EXOC4: variants seen among roughly 807,000 people sequenced by gnomAD.
The protein encoded by EXOC4 is SEC8-like 1.
EXOC4 carries 71 observed loss-of-function variants against 107.2 expected under a neutral mutation model. That is an observed-to-expected ratio of 0.66 (90% CI 0.55 to 0.81). The LOEUF (loss-of-function observed/expected upper bound fraction) is 0.81, where lower values mean the gene tolerates loss of function less well. Among genes scored for constraint, EXOC4 ranks in the 30% least tolerant of loss-of-function variants. The pLI, the probability that EXOC4 is intolerant of heterozygous loss-of-function variation, is 0.00. For synonymous variants in EXOC4, 456 were observed against 441.2 expected, an observed-to-expected ratio of 1.03 and a Z score of -0.42; for missense variants, 1,108 against 1,189.6, an observed-to-expected ratio of 0.93 and a Z score of 1.01.
At chr7:133,444,529 A>G (rs895100264) in intron 7 of EXOC4, among the ~76,000 whole-genome samples, 10 of 152,170 alleles carry the variant, frequency 6.6e-5, no homozygotes, top group African/African-American at 1.9e-4. Context: ...ACGGTAAACT[A>G]CACACATAGG....
chr7:133,979,960 C>T (rs1434648800), intron 14 of EXOC4, among the ~76,000 whole-genome samples: 7 of 152,118 alleles, frequency 4.6e-5, no homozygotes, highest in African/African-American at 1.4e-4. Flanking sequence ...TACCAATCTA[C>T]CACCTACCTC....
At chr7:133,962,643 T>G (rs1001732653) in intron 14 of EXOC4, among the ~76,000 whole-genome samples, 7 of 152,160 alleles carry the variant, frequency 4.6e-5, no homozygotes, top group African/African-American at 1.7e-4. Context: ...ACAAACAACA[T>G]TTAGCATGCA....
chr7:133,627,243 C>T (rs942277843), intron 9 of EXOC4, among the ~76,000 whole-genome samples: 7 of 152,060 alleles, frequency 4.6e-5, no homozygotes, highest in Non-Finnish European at 7.4e-5. Flanking sequence ...AGAAATGGTA[C>T]GAGGGGAGAG....
chr7:133,754,958 T>C (rs1795867717), intron 10 of EXOC4, among the ~76,000 whole-genome samples: 1 of 151,874 alleles, frequency 6.6e-6, no homozygotes, highest in African/African-American at 2.4e-5. Context: ...TGAATGCGTA[T>C]TGATGATGTT....
intron 9 of EXOC4, among the ~76,000 whole-genome samples, chr7:133,547,860 A>G (rs1213295463): frequency 1.3e-5 from 2 of 152,116 alleles, no homozygotes; most frequent in Admixed American, 1.3e-4. Flanking sequence ...TTTGGAACCA[A>G]CTTCCAAACT....
Position 133,893,219 on chromosome 7 carries a change from G to A in EXOC4, c.1735-2380G>A, listed in dbSNP as rs1408183001. 5.1e-5 allele frequency among the ~76,000 whole-genome samples: 4 copies of A among 77,964 alleles called. 1 individual carries two copies. The South Asian group carries it at 2.3e-3, about 44-fold the overall frequency. The allele number at this position is 77,964 out of a possible 152,430, so 51.1% of individuals were successfully genotyped here. On this transcript the variant is annotated intron_variant, in intron 11 of 17. Coordinates refer to ENST00000253861, the MANE Select transcript of EXOC4 (RefSeq NM_021807.4). ...CTCTTTTGATCTTTGTTGGTTTAAA[G>A]TCTGCTTTATCAGAGACTAGGATTG...
chr7:133,312,354 A>C (rs143517241), intron 4 of EXOC4, among the ~76,000 whole-genome samples: 1 of 152,204 alleles, frequency 6.6e-6, no homozygotes, highest in East Asian at 1.9e-4. Context: ...TACTTTATAT[A>C]TTGGTATAAA....
intron 17 of EXOC4, among the ~76,000 whole-genome samples, chr7:134,014,239 T>A (rs1794841097): frequency 6.6e-6 from 1 of 152,006 alleles, no homozygotes; most frequent in Non-Finnish European, 1.5e-5. Context: ...CTGTCTCTAC[T>A]AAAAATACAA....
intron 10 of EXOC4, among the ~76,000 whole-genome samples, chr7:133,638,835 G>A (rs909037592): frequency 6.6e-6 from 1 of 152,066 alleles, no homozygotes; most frequent in African/African-American, 2.4e-5. Flanking sequence ...CTAGATTTAA[G>A]CTGATATTTT....
chr7:133,456,669 T>C (rs1798469824), intron 7 of EXOC4, among the ~76,000 whole-genome samples: 1 of 152,138 alleles, frequency 6.6e-6, no homozygotes, highest in African/African-American at 2.4e-5. Context: ...TCTGAGCTCA[T>C]TTTTGGGCTG....
chr7:133,724,675 G>T (rs963365202), intron 10 of EXOC4, among the ~76,000 whole-genome samples: 3 of 152,230 alleles, frequency 2.0e-5, no homozygotes, highest in Admixed American at 6.5e-5. Context: ...TGAAGGTAAA[G>T]TGGACTGAAG....
At position 133,846,210 on chromosome 7, in the gene EXOC4, T is replaced by C. The variant is rs139353515; in HGVS notation, c.1734+28666T>C. Among the ~76,000 whole-genome samples the C allele has an allele frequency of 9.2e-4, 140 of 152,346 alleles. 1 individual carries two copies. In the East Asian group the frequency reaches 0.016, roughly 18 times the overall value. ...ATTTCATAAAATCCATTTCTAGCCC[T>C]GTCAGCTGCCTGCCTCATTACCTTA... On this transcript the variant is annotated intron_variant, in intron 11 of 17. Transcript: ENST00000253861.
chr7:133,948,944 CCCCACGGAGGCAATG>C (rs1257610935), intron 14 of EXOC4, among the ~76,000 whole-genome samples: 1 of 152,182 alleles, frequency 6.6e-6, no homozygotes, highest in East Asian at 1.9e-4. Context: ...GCCTTTGTTT[CCCCACGGAGGCAATG>C]CTGTTGTTCA....
chr7:133,983,422 G>A (rs1177136005), intron 14 of EXOC4, among the ~76,000 whole-genome samples: 1 of 152,194 alleles, frequency 6.6e-6, no homozygotes, highest in Admixed American at 6.5e-5. Flanking sequence ...AAGTTAAGTT[G>A]AAGAGGAACT....
At chr7:133,606,512 TTATTA>T (rs992487350) in intron 9 of EXOC4, among the ~76,000 whole-genome samples, 4 of 142,972 alleles carry the variant, frequency 2.8e-5, no homozygotes, top group African/African-American at 1.1e-4. Flanking sequence ...ATTATTATTA[TTATTA>T]TTTTTTTTTT....
At chr7:134,076,720 T>TAC in the EXOC4 span, among the ~76,000 whole-genome samples, 3 of 150,844 alleles carry the variant, frequency 2.0e-5, no homozygotes, top group African/African-American at 7.3e-5. Context: ...TATATATATA[T>TAC]ATGTATATCT....
At chr7:133,797,546 G>A (rs1252968092) in intron 10 of EXOC4, among the ~76,000 whole-genome samples, 1 of 152,134 alleles carries the variant, frequency 6.6e-6, no homozygotes. Context: ...TAGAGGTCAG[G>A]GAACACAATG....
intron 5 of EXOC4, among the ~76,000 whole-genome samples, chr7:133,326,103 A>C (rs1372696753): frequency 6.6e-6 from 1 of 152,160 alleles, no homozygotes; most frequent in Non-Finnish European, 1.5e-5. Flanking sequence ...TATTCTAGTT[A>C]GCCATTCGTC....
intron 10 of EXOC4, among the ~76,000 whole-genome samples, chr7:133,799,088 A>G (rs570295211): frequency 6.6e-6 from 1 of 152,302 alleles, no homozygotes; most frequent in East Asian, 1.9e-4. Context: ...TGAAAATCAG[A>G]TATCATCATG....
Sources: gnomAD v4.1 joint callset for allele counts (sites outside exome capture counted in the v4.1 genomes callset) on GRCh38, gnomAD v4.1.1 for gene constraint, MANE v1.5 for transcripts, NCBI Gene and HGNC (gene_info 2026-07-23, HGNC 2026-07-21) for gene names.